SYNE2: variants seen among roughly 807,000 people sequenced by gnomAD.
SYNE2 encodes the protein nesprin-2.
SYNE2 carries 431 observed loss-of-function variants against 856.3 expected under a neutral mutation model. That is an observed-to-expected ratio of 0.50 (90% CI 0.47 to 0.55). The LOEUF (loss-of-function observed/expected upper bound fraction) is 0.55. SYNE2 is among the 20% of genes least tolerant of loss of function. The pLI is 0.00. For missense variants in SYNE2, 8,129 were observed against 8,023.2 expected, an observed-to-expected ratio of 1.01 and a Z score of -0.50; for synonymous variants, 2,923 against 2,872.3, an observed-to-expected ratio of 1.02 and a Z score of -0.56.
At chr14:63,868,963 A>T (rs1896163746) in intron 1 of SYNE2, among the ~76,000 whole-genome samples, 1 of 152,222 alleles carries the variant, frequency 6.6e-6, no homozygotes, top group African/African-American at 2.4e-5. Context: ...ACCCACTCCA[A>T]AACAAATGTT....
At chr14:64,135,080 G>A (rs1381437342) in intron 78 of SYNE2, among the ~76,000 whole-genome samples, 4 of 152,048 alleles carry the variant, frequency 2.6e-5, no homozygotes, top group Admixed American at 1.3e-4. Flanking sequence ...ATTTTGGTGC[G>A]AAAGAAAAGA....
At position 64,215,324 on chromosome 14, in the gene SYNE2, A is replaced by G; in HGVS notation, c.19372A>G (p.Met6458Val). 1.9e-6 allele frequency: 3 copies of G among 1,614,198 alleles called. No homozygotes were observed. The highest frequency in any genetic ancestry group is 1.1e-5 in the South Asian group (1 of 91,084). The change falls in exon 107 of 116, where the codon ATG (methionine) becomes GTG (valine). Residue 6458 changes from methionine to valine, a missense_variant. By Grantham distance (21) the Met-to-Val change is conservative (BLOSUM62 1). This residue lies in a region of SYNE2 where 5,410 missense variants were observed against 5,284.8 expected (regional missense o/e 1.02). Coordinates refer to ENST00000555002, the MANE Select transcript of SYNE2 (RefSeq NM_182914.3). Reference protein sequence around the residue: ...IPENPEAYLKMTTKTLKASSG... With the variant: ...IPENPEAYLKVTTKTLKASSG... ...TGAAAATCCTGAGGCATATCTTAAA[A>G]TGACCACAAAAACTTTGAAAGCGTC... is the stretch of plus-strand genomic sequence containing the variant.
chr14:64,094,870 A>AAT (rs2097663639), intron 61 of SYNE2, among the ~76,000 whole-genome samples: 4 of 152,202 alleles, frequency 2.6e-5, no homozygotes, highest in Admixed American at 1.3e-4. Flanking sequence ...TATTAATAGG[A>AAT]ATAACTATTT....
At chr14:63,828,017 T>C (rs1595151356) in intron 1 of SYNE2, among the ~76,000 whole-genome samples, 1 of 138,626 alleles carries the variant, frequency 7.2e-6, no homozygotes, top group Admixed American at 7.3e-5. Context: ...ACAAGGCGAG[T>C]CTTCGTCTTT....
At position 63,974,890 on chromosome 14, in the gene SYNE2, GTGTA is replaced by G. The variant is rs1180695908; in HGVS notation, c.1129-1671_1129-1668del. On this transcript the variant is annotated intron_variant, in intron 11 of 115. Transcript: ENST00000555002. ...TGTGTGTGTGTGTGTGTGTGTGTGT[GTGTA>G]TATATATATATATATATATATATGT... is the stretch of plus-strand genomic sequence containing the variant. Among the ~76,000 whole-genome samples, 28 of 27,504 alleles carry G rather than the reference GTGTA, an allele frequency of 1.0e-3. 1 individual carries two copies. Among genetic ancestry groups the G allele is most frequent in the East Asian group, 1.6e-3 (1 of 612 alleles). 18.0% of individuals were successfully genotyped at this position (27,504 alleles called of 152,430 possible).
chr14:63,807,848 T>TATATATATATAC (rs1888434831), intron 1 of SYNE2, among the ~76,000 whole-genome samples: 1 of 104,350 alleles, frequency 9.6e-6, no homozygotes, highest in Non-Finnish European at 2.0e-5. Flanking sequence ...TATATATATA[T>TATATATATATAC]ATATATATAT....
intron 31 of SYNE2, among the ~76,000 whole-genome samples, chr14:64,008,791 C>G (rs547468670): frequency 9.9e-5 from 15 of 152,120 alleles, no homozygotes; most frequent in African/African-American, 3.6e-4. Context: ...CTCACCATCC[C>G]GCTTTGTTTC....
rs750867131 is a variant in SYNE2, at chr14:63,909,137, T to C, written c.-12T>C. The C allele has an allele frequency of 5.0e-6, 8 of 1,591,456 alleles. No individual in the cohort carries two copies. Among genetic ancestry groups the C allele is most frequent in the Middle Eastern group, 1.7e-4 (1 of 6,034 alleles). ...TGAGATGGACATGATATAATCTCCA[T>C]TGAGTCAAAGAATGGCATCTAGTCC... On this transcript the variant is annotated 5_prime_UTR_variant, in exon 2 of 116. Coordinates refer to ENST00000555002, the MANE Select transcript of SYNE2 (RefSeq NM_182914.3).
rs1179519175 is a variant in SYNE2 at position 63,833,212 on chromosome 14, AAAAAG to A, written c.-304-19275_-304-19271del. Among the ~76,000 whole-genome samples the A allele has an allele frequency of 9.2e-5, 14 of 152,122 alleles. No homozygotes were observed. In the East Asian group the frequency reaches 1.9e-3, roughly 21 times the overall value. ...TGACAAAGCAAGGCCCTGTCCAAAA[AAAAAG>A]AAAAGAAAAGAAATGTTCTTTTTCT... is the stretch of plus-strand genomic sequence containing the variant. On this transcript the variant is annotated intron_variant, in intron 1 of 23. Coordinates refer to the SYNE2 transcript ENST00000674003.
intron 52 of SYNE2, among the ~76,000 whole-genome samples, chr14:64,072,026 T>C (rs1185412472): frequency 2.0e-5 from 3 of 152,058 alleles, no homozygotes; most frequent in Admixed American, 6.6e-5. Flanking sequence ...AAATAAAAAA[T>C]GTAACTAGCT....
At chr14:64,071,851 T>C (rs1461650101) in intron 52 of SYNE2, among the ~76,000 whole-genome samples, 2 of 152,086 alleles carry the variant, frequency 1.3e-5, no homozygotes, top group Non-Finnish European at 2.9e-5. Flanking sequence ...ACCCCGTCTC[T>C]ACTAAAAATA....
intron 1 of SYNE2, among the ~76,000 whole-genome samples, chr14:63,854,292 A>T (rs577538244): frequency 6.6e-6 from 1 of 151,606 alleles, no homozygotes; most frequent in South Asian, 2.1e-4. Flanking sequence ...AGAGTTGGGG[A>T]ATACAATTAA....
intron 79 of SYNE2, among the ~76,000 whole-genome samples, chr14:64,138,936 G>GTGTA (rs1555505927): frequency 1.4e-5 from 2 of 142,804 alleles, no homozygotes; most frequent in Non-Finnish European, 3.0e-5. Context: ...GTGTGTGTGT[G>GTGTA]TGTATGTATG....
At chr14:64,165,644 C>G (rs1002719210) in intron 90 of SYNE2, among the ~76,000 whole-genome samples, 12 of 152,158 alleles carry the variant, frequency 7.9e-5, no homozygotes, top group Non-Finnish European at 1.2e-4. Context: ...TCCCAAGTAG[C>G]TGGGACTACA....
intron 1 of SYNE2, among the ~76,000 whole-genome samples, chr14:63,818,172 TAAAAATACA>T (rs373056092): frequency 4.6e-5 from 7 of 151,496 alleles, no homozygotes; most frequent in African/African-American, 1.5e-4. Context: ...CTATCTCTAC[TAAAAATACA>T]AAAATTAGCT....
At chr14:63,978,765 C>T in intron 13 of SYNE2, 87 bp from the exon 14 acceptor site, 1 of 1,158,848 alleles carries the variant, frequency 8.6e-7, no homozygotes, top group Non-Finnish European at 1.2e-6. Context: ...AAAGTTAAAG[C>T]CTCAATATTT....
chr14:63,861,084 G>T (rs996572962), intron 1 of SYNE2, among the ~76,000 whole-genome samples: 4 of 151,654 alleles, frequency 2.6e-5, no homozygotes, highest in African/African-American at 9.7e-5. Flanking sequence ...CAATCTTTGA[G>T]ATTTTTTCCA....
At position 63,829,748 on chromosome 14, in the gene SYNE2, A is replaced by G. The variant is rs150895304; in HGVS notation, c.-304-22753A>G. On this transcript the variant is annotated intron_variant, in intron 1 of 23. Transcript: ENST00000674003. Reference sequence around the variant, plus strand: ...CCTACCTCCTCAGCCTGCCTCCCAAATAGCTGGGACTACAGACATGCACTG... The same window carrying G: ...CCTACCTCCTCAGCCTGCCTCCCAAGTAGCTGGGACTACAGACATGCACTG... 8.5e-3 allele frequency among the ~76,000 whole-genome samples: 1,285 copies of G among 152,054 alleles called. 17 individuals carry two copies. The highest frequency in any genetic ancestry group is 0.012 in the Admixed American group (178 of 15,240).
chr14:64,116,519 G>A (rs1279190703), intron 66 of SYNE2, among the ~76,000 whole-genome samples: 1 of 152,196 alleles, frequency 6.6e-6, no homozygotes. Context: ...CTGGGTTCAA[G>A]TGATTCTCCT....
Sources: allele counts gnomAD v4.1 joint callset (sites outside exome capture counted in the v4.1 genomes callset), GRCh38; gene constraint gnomAD v4.1.1; regional missense constraint gnomAD v4.1.1; transcripts MANE v1.5; gene names NCBI Gene and HGNC (gene_info 2026-07-23, HGNC 2026-07-21).